LOC128092252: variants seen among roughly 807,000 people sequenced by gnomAD.
At chr15:50,650,306 T>C in the LOC128092252 span, among the ~76,000 whole-genome samples, 1 of 151,392 alleles carries the variant, frequency 6.6e-6, no homozygotes, top group Non-Finnish European at 1.5e-5. Context: ...CAGGGAACAC[T>C]TTATGTTCCC....
chr15:50,658,301 G>A, the LOC128092252 span, among the ~76,000 whole-genome samples: 2 of 152,026 alleles, frequency 1.3e-5, no homozygotes, highest in Non-Finnish European at 2.9e-5. Flanking sequence ...CACCGCGCCT[G>A]GCAGACAGTC....
the LOC128092252 span, chr15:50,663,029 T>C: frequency 6.2e-7 from 1 of 1,613,618 alleles, no homozygotes; most frequent in Non-Finnish European, 8.5e-7. Flanking sequence ...AAGTGCTTTC[T>C]ATCCAGGATT....
At chr15:50,686,699 C>T in the LOC128092252 span, 5 of 876,648 alleles carry the variant, frequency 5.7e-6, no homozygotes, top group South Asian at 1.8e-5. Flanking sequence ...GCGCTAGCAG[C>T]AGAAGCCGAG....
At chr15:50,683,324 G>A in the LOC128092252 span, among the ~76,000 whole-genome samples, 1 of 151,812 alleles carries the variant, frequency 6.6e-6, no homozygotes, top group East Asian at 1.9e-4. Context: ...ATAGATCAAT[G>A]ACAAAAACTA....
At chr15:50,678,899 A>C in the LOC128092252 span, among the ~76,000 whole-genome samples, 1 of 152,090 alleles carries the variant, frequency 6.6e-6, no homozygotes, top group Non-Finnish European at 1.5e-5. Flanking sequence ...TTTGAGACGA[A>C]GTCTCGCTCT....
chr15:50,678,555 CAT>C, the LOC128092252 span, among the ~76,000 whole-genome samples: 1 of 143,954 alleles, frequency 6.9e-6, no homozygotes, highest in Admixed American at 7.0e-5. Context: ...CACACACACA[CAT>C]ATACATAATT....
chr15:50,652,098 C>T, the LOC128092252 span, among the ~76,000 whole-genome samples: 3 of 151,336 alleles, frequency 2.0e-5, no homozygotes, highest in Non-Finnish European at 4.4e-5. Flanking sequence ...TTCAGGGGGC[C>T]GAGGCGGGTG....
the LOC128092252 span, among the ~76,000 whole-genome samples, chr15:50,656,194 G>A: frequency 2.0e-5 from 3 of 152,070 alleles, no homozygotes; most frequent in Non-Finnish European, 2.9e-5. Context: ...CTTTGGCATC[G>A]TCAAACAAGA....
At chr15:50,658,965 G>A in the LOC128092252 span, among the ~76,000 whole-genome samples, 1 of 152,194 alleles carries the variant, frequency 6.6e-6, no homozygotes, top group Non-Finnish European at 1.5e-5. Flanking sequence ...TTGGGAGGCT[G>A]AGGCGGGAGG....
At chr15:50,655,701 T>G in the LOC128092252 span, among the ~76,000 whole-genome samples, 1 of 152,058 alleles carries the variant, frequency 6.6e-6, no homozygotes, top group Non-Finnish European at 1.5e-5. Flanking sequence ...ATGACACCTT[T>G]AAAGTGCTGC....
the LOC128092252 span, among the ~76,000 whole-genome samples, chr15:50,684,958 T>A: frequency 1.3e-5 from 2 of 152,244 alleles, no homozygotes; most frequent in Admixed American, 1.3e-4. Flanking sequence ...TTTTTAGGCA[T>A]GATAATAATA....
At chr15:50,653,356 A>G in the LOC128092252 span, among the ~76,000 whole-genome samples, 1 of 152,232 alleles carries the variant, frequency 6.6e-6, no homozygotes, top group East Asian at 1.9e-4. Flanking sequence ...GCAAACTAGG[A>G]AAGGAGGAAA....
chr15:50,653,284 T>G, the LOC128092252 span, among the ~76,000 whole-genome samples: 64 of 152,298 alleles, frequency 4.2e-4, no homozygotes, highest in African/African-American at 1.5e-3. Context: ...GACCCCGTTC[T>G]CCACAAAAAG....
the LOC128092252 span, among the ~76,000 whole-genome samples, chr15:50,654,872 G>T: frequency 6.7e-6 from 1 of 149,896 alleles, no homozygotes; most frequent in Non-Finnish European, 1.5e-5. Flanking sequence ...GTGGCAGCAG[G>T]CACCTGTAGT....
chr15:50,666,865 G>A, the LOC128092252 span, among the ~76,000 whole-genome samples: 1 of 152,098 alleles, frequency 6.6e-6, no homozygotes, highest in Non-Finnish European at 1.5e-5. Context: ...AAAGATACAA[G>A]GTAATTGAAA....
the LOC128092252 span, among the ~76,000 whole-genome samples, chr15:50,656,489 G>T: frequency 6.7e-6 from 1 of 148,724 alleles, no homozygotes; most frequent in Non-Finnish European, 1.5e-5. Flanking sequence ...AGATTTTTGT[G>T]TGTGGTTTTC....
chr15:50,661,361 A>G, the LOC128092252 span, among the ~76,000 whole-genome samples: 712 of 152,336 alleles, frequency 4.7e-3, 3 homozygotes, highest in Middle Eastern at 0.01. Context: ...ACTTTAAAAC[A>G]AAAGCAATAC....
chr15:50,686,552 T>C, the LOC128092252 span: 1 of 1,609,796 alleles, frequency 6.2e-7, no homozygotes, highest in East Asian at 2.3e-5. Flanking sequence ...CGGGGCGGAC[T>C]CCGGAAGGGC....
At chr15:50,660,527 T>C in the LOC128092252 span, among the ~76,000 whole-genome samples, 8 of 152,272 alleles carry the variant, frequency 5.3e-5, no homozygotes, top group African/African-American at 1.9e-4. Context: ...TGGTAGCGCA[T>C]GCCTATAGTC....
Sources: gnomAD v4.1 joint callset for allele counts (sites outside exome capture counted in the v4.1 genomes callset) on GRCh38, gnomAD v4.1.1 for gene constraint, MANE v1.5 for transcripts.